Variants in TMEM71 observed in about 807,000 individuals in gnomAD.
TMEM71 encodes transmembrane protein 71.
In TMEM71, 44 loss-of-function variants were observed where a neutral mutation model predicts 38.0. The ratio of observed to expected loss-of-function variants is 1.16; its 90% confidence interval spans 0.91 to 1.49. The LOEUF (loss-of-function observed/expected upper bound fraction) is 1.49. Among genes scored for constraint, TMEM71 ranks in the 40% most tolerant of loss-of-function variants. TMEM71 has a pLI of 0.00. For synonymous variants in TMEM71, 133 were observed against 122.5 expected (o/e 1.09, Z -0.56); for missense variants, 367 against 348.6 (o/e 1.05, Z -0.42).
chr8:132,708,336 T>C (rs1286056898), downstream of TMEM71, among the ~76,000 whole-genome samples: 1 of 152,168 alleles, frequency 6.6e-6, no homozygotes. Flanking sequence ...CTCCAAGTAG[T>C]GGGGCTCAAG....
intron 5 of TMEM71, among the ~76,000 whole-genome samples, chr8:132,739,847 A>G (rs1827944387): frequency 6.6e-6 from 1 of 152,190 alleles, no homozygotes; most frequent in Non-Finnish European, 1.5e-5. Flanking sequence ...CCACGTAGGC[A>G]AATCTTGTTG....
chr8:132,737,450 A>G (rs982174602), intron 5 of TMEM71, among the ~76,000 whole-genome samples: 3 of 152,178 alleles, frequency 2.0e-5, no homozygotes, highest in African/African-American at 7.2e-5. Context: ...AGTTCTTCAT[A>G]TTCTTTTCTT....
intron 6 of TMEM71, among the ~76,000 whole-genome samples, chr8:132,722,748 A>C (rs144509236): frequency 6.6e-6 from 1 of 152,238 alleles, no homozygotes; most frequent in Non-Finnish European, 1.5e-5. Flanking sequence ...ACAAAAAATG[A>C]GAACATATAT....
chr8:132,750,210 T>C (rs1828628270), intron 4 of TMEM71, among the ~76,000 whole-genome samples: 1 of 152,172 alleles, frequency 6.6e-6, no homozygotes, highest in African/African-American at 2.4e-5. Context: ...CTTCTTTTCA[T>C]TGAAATAGAA....
intron 4 of TMEM71, among the ~76,000 whole-genome samples, chr8:132,750,502 G>A (rs1308064249): frequency 1.3e-5 from 2 of 152,120 alleles, no homozygotes; most frequent in East Asian, 1.9e-4. Flanking sequence ...GGTCTCAAGG[G>A]AATGACCTAT....
At chr8:132,709,456 G>A (rs1045820193), downstream of TMEM71, among the ~76,000 whole-genome samples, 8 of 152,290 alleles carry the variant, frequency 5.3e-5, no homozygotes, top group African/African-American at 1.9e-4. Context: ...ACCCATCAAT[G>A]TTACCTTATA....
At chr8:132,707,360 G>C (rs779917696), downstream of TMEM71, among the ~76,000 whole-genome samples, 7 of 152,040 alleles carry the variant, frequency 4.6e-5, no homozygotes, top group African/African-American at 1.4e-4. Flanking sequence ...TTTATTCTTC[G>C]GTTCTTAAAA....
downstream of TMEM71, among the ~76,000 whole-genome samples, chr8:132,706,247 T>A (rs932556495): frequency 2.0e-5 from 3 of 152,148 alleles, no homozygotes; most frequent in East Asian, 1.9e-4. Context: ...GCTATGACAG[T>A]GGGTGAGTGG....
At chr8:132,745,303 C>G (rs1250460599) in intron 5 of TMEM71, among the ~76,000 whole-genome samples, 1 of 152,008 alleles carries the variant, frequency 6.6e-6, no homozygotes, top group Non-Finnish European at 1.5e-5. Flanking sequence ...TATGTAGAAC[C>G]TATAAGGAGT....
the TMEM71 span, among the ~76,000 whole-genome samples, chr8:132,769,593 T>C: frequency 6.6e-6 from 1 of 152,204 alleles, no homozygotes; most frequent in Non-Finnish European, 1.5e-5. Context: ...AACTATGTAA[T>C]GAAGGTTGAG....
chr8:132,727,735 T>C, intron 6 of TMEM71, 63 bp downstream of exon 6: 3 of 1,438,360 alleles, frequency 2.1e-6, no homozygotes, highest in Non-Finnish European at 2.8e-6. Flanking sequence ...CTCCAAGTCA[T>C]TCTCAGGCTC....
In TMEM71 at chr8:132,710,494, T is replaced by G; in HGVS notation, c.*473A>C. 3 of 220,082 alleles carry G rather than the reference T, an allele frequency of 1.4e-5. No homozygotes were observed. Among genetic ancestry groups the G allele is most frequent in the Non-Finnish European group, 8.8e-6 (1 of 113,876 alleles). 13.6% of individuals were successfully genotyped at this position (220,082 alleles called of 1,614,324 possible). A position where few individuals can be genotyped will look rare whatever the true frequency, so the allele number is the denominator to read the frequency against. Reference sequence around the variant, plus strand: ...CATTATATTTTATGTACAAATTGCATTTATTGTTATTCAAGTTGTCAGGTT... The same window carrying G: ...CATTATATTTTATGTACAAATTGCAGTTATTGTTATTCAAGTTGTCAGGTT... On this transcript the variant is annotated 3_prime_UTR_variant, in exon 10 of 10. Coordinates refer to ENST00000677595, the MANE Select transcript of TMEM71 (RefSeq NM_001382403.1).
intron 4 of TMEM71, among the ~76,000 whole-genome samples, chr8:132,747,957 C>T (rs562873528): frequency 6.1e-4 from 93 of 152,274 alleles, no homozygotes; most frequent in Admixed American, 8.5e-4. Context: ...TTGTTGGTAG[C>T]AGAGGGTGGC....
chr8:132,756,413 A>AT (rs1239928157), intron 3 of TMEM71, among the ~76,000 whole-genome samples: 3 of 57,682 alleles, frequency 5.2e-5, no homozygotes, highest in Admixed American at 4.8e-4. Flanking sequence ...CATATATATT[A>AT]TATATATATA....
At chr8:132,720,311 G>A (rs1321442428) in intron 7 of TMEM71, among the ~76,000 whole-genome samples, 1 of 152,104 alleles carries the variant, frequency 6.6e-6, no homozygotes. Flanking sequence ...TAAGGGAGGA[G>A]TATCCACAAA....
At position 132,715,133 on chromosome 8, in the gene TMEM71, C is replaced by T. The variant is rs538274135; in HGVS notation, c.753-918G>A. Among the ~76,000 whole-genome samples, 23 of 152,032 alleles carry T rather than the reference C, an allele frequency of 1.5e-4. No homozygotes were observed. In the East Asian group the frequency reaches 1.7e-3, roughly 12 times the overall value. On this transcript the variant is annotated intron_variant, in intron 7 of 9. Transcript: ENST00000677595. ...TAAGAATGAAAAGAGTGCAGCAGGG[C>T]GCGGTGCTCATGCCTGTAATCCCAG...
the TMEM71 span, among the ~76,000 whole-genome samples, chr8:132,767,840 C>T: frequency 1.3e-5 from 2 of 152,112 alleles, no homozygotes; most frequent in South Asian, 4.1e-4. Flanking sequence ...AGGCATCTGT[C>T]CTGTGTCGGG....
intron 7 of TMEM71, among the ~76,000 whole-genome samples, chr8:132,714,477 C>A (rs1359455214): frequency 6.7e-6 from 1 of 150,166 alleles, no homozygotes; most frequent in African/African-American, 2.5e-5. Flanking sequence ...TCTTTTCAAC[C>A]AATGGTGTTG....
chr8:132,710,873 C>G lies in TMEM71; in HGVS notation c.*94G>C. On this transcript the variant is annotated 3_prime_UTR_variant, in exon 10 of 10. Transcript: ENST00000677595. Reference sequence around the variant, plus strand: ...TTCTCCATTACTCGCTTACTCCCTTCCAATAAAACACTTGATTCCAAGTAG... The same window carrying G: ...TTCTCCATTACTCGCTTACTCCCTTGCAATAAAACACTTGATTCCAAGTAG... 1 of 1,194,586 alleles carries G rather than the reference C, an allele frequency of 8.4e-7. No individual in the cohort carries two copies. The highest frequency in any genetic ancestry group is 1.2e-6 in the Non-Finnish European group (1 of 805,004). The allele number at this position is 1,194,586 out of a possible 1,614,324, so 74.0% of individuals were successfully genotyped here. A position where few individuals can be genotyped will look rare whatever the true frequency, so the allele number is the denominator to read the frequency against.
Sources: allele counts gnomAD v4.1 joint callset (sites outside exome capture counted in the v4.1 genomes callset), GRCh38; gene constraint gnomAD v4.1.1; transcripts MANE v1.5; gene names NCBI Gene and HGNC (gene_info 2026-07-23, HGNC 2026-07-21).